The following ARHGEF10L variants were observed in gnomAD, a reference collection of about 807,000 sequenced individuals.
ARHGEF10L encodes Rho guanine nucleotide exchange factor 10 like, also known as rho guanine nucleotide exchange factor 10-like protein.
In ARHGEF10L, 69 loss-of-function variants were observed where a neutral mutation model predicts 141.2. That is an observed-to-expected ratio of 0.49 (90% CI 0.40 to 0.60). The LOEUF (loss-of-function observed/expected upper bound fraction) is 0.60. ARHGEF10L is among the 20% of genes least tolerant of loss of function. The pLI is 0.00. For synonymous variants in ARHGEF10L, 711 were observed against 718.5 expected (o/e 0.99, Z 0.17); for missense variants, 1,482 against 1,734.3 (o/e 0.85, Z 2.58).
chr1:17,632,896 A>G (rs2060783139), intron 16 of ARHGEF10L, among the ~76,000 whole-genome samples: 1 of 152,186 alleles, frequency 6.6e-6, no homozygotes, highest in African/African-American at 2.4e-5. Context: ...GAGCATCATC[A>G]TCGGCCCAGA....
intron 26 of ARHGEF10L, among the ~76,000 whole-genome samples, chr1:17,681,785 T>A (rs899616564): frequency 6.6e-6 from 1 of 152,190 alleles, no homozygotes; most frequent in Non-Finnish European, 1.5e-5. Flanking sequence ...CTTTGGGTGA[T>A]TCTTGGAGAC....
chr1:17,651,361 C>G (rs1048711754), intron 22 of ARHGEF10L, among the ~76,000 whole-genome samples: 1 of 152,186 alleles, frequency 6.6e-6, no homozygotes, highest in Admixed American at 6.5e-5. Context: ...GGGCCTTGGG[C>G]TGGAGGCAGC....
intron 9 of ARHGEF10L, chr1:17,618,424 G>C: frequency 1.3e-6 from 2 of 1,530,748 alleles, no homozygotes; most frequent in South Asian, 1.2e-5. Context: ...AGTGATGCCC[G>C]GGGCGTGATG....
intron 1 of ARHGEF10L, among the ~76,000 whole-genome samples, chr1:17,564,568 T>C (rs575979136): frequency 1.2e-4 from 19 of 152,272 alleles, no homozygotes; most frequent in Admixed American, 1.2e-3. Context: ...CTGTAAATAC[T>C]GTAGGGGCTC....
At position 17,623,154 on chromosome 1, in the gene ARHGEF10L, C is replaced by A. The variant is rs752427264; in HGVS notation, c.1179C>A (p.Ile393=). ...CTGAGTGGGATTCCACCGAGAAGAT[C>A]GGGGACCTCTTCGTGGCCTCGGTAA... ...RVAEWDSTEK[I]GDLFVASFSK... The change falls in exon 12 of 29, where the codon ATC becomes ATA. Residue 393 remains isoleucine, a synonymous_variant. Coordinates refer to ENST00000361221, the MANE Select transcript of ARHGEF10L (RefSeq NM_018125.4). The surrounding 1 kb of genome is among the most constrained non-coding windows in gnomAD (Gnocchi z 4.7). 1.1e-5 allele frequency: 18 copies of A among 1,612,896 alleles called. No individual in the cohort carries two copies. The East Asian group carries it at 4.0e-4, about 36-fold the overall frequency.
Position 17,582,560 on chromosome 1 carries a change from C to T in ARHGEF10L, c.37+1928C>T, listed in dbSNP as rs79883021. The stretch of plus-strand genomic sequence containing the variant: ...TTCCTGCGCGTGTCTTCAGCACCCC[C>T]GGGGCACTTGGTGTTTGTTCTCTGT... On this transcript the variant is annotated intron_variant, in intron 2 of 28. Coordinates refer to ENST00000361221, the MANE Select transcript of ARHGEF10L (RefSeq NM_018125.4). Among the ~76,000 whole-genome samples, 515 of 152,326 alleles carry T rather than the reference C, an allele frequency of 3.4e-3. 6 individuals carry two copies. Among genetic ancestry groups the T allele is most frequent in the African/African-American group, 0.012 (485 of 41,568 alleles).
At chr1:17,624,781 G>A (rs1197752665) in intron 13 of ARHGEF10L, among the ~76,000 whole-genome samples, 1 of 152,212 alleles carries the variant, frequency 6.6e-6, no homozygotes, top group African/African-American at 2.4e-5. Context: ...TGCCTCCTGT[G>A]CCCTGGTGAG....
rs551283774 is a variant in ARHGEF10L, at chr1:17,587,288, C to A, written c.38-172C>A. Among the ~76,000 whole-genome samples the A allele has an allele frequency of 4.6e-5, 7 of 152,204 alleles. No homozygotes were observed. In the East Asian group the frequency reaches 7.7e-4, roughly 17 times the overall value. On this transcript the variant is annotated intron_variant, in intron 2 of 28. Transcript: ENST00000361221. ...TAGAGACCTAACCCAACCCCCTCCC[C>A]CCGGCCTTACCAGCACTGTAGGGCC...
intron 7 of ARHGEF10L, among the ~76,000 whole-genome samples, chr1:17,609,225 A>T (rs2059416655): frequency 6.6e-6 from 1 of 152,310 alleles, no homozygotes; most frequent in South Asian, 2.1e-4. Context: ...TGGGAGAGGC[A>T]TGCTGGCCGG....
intron 19 of ARHGEF10L, 68 bp from the exon 20 acceptor site, chr1:17,638,494 A>G (rs1053194042): frequency 6.3e-7 from 1 of 1,598,760 alleles, no homozygotes; most frequent in Non-Finnish European, 8.5e-7. Flanking sequence ...TGATTCCTAT[A>G]GGATCTGGTG....
intron 1 of ARHGEF10L, among the ~76,000 whole-genome samples, chr1:17,571,263 A>C (rs1429404466): frequency 2.6e-5 from 4 of 152,150 alleles, no homozygotes; most frequent in Non-Finnish European, 5.9e-5. Context: ...CAGGTCAGGC[A>C]GAATGGGGAC....
intron 1 of ARHGEF10L, among the ~76,000 whole-genome samples, chr1:17,547,910 G>A (rs1172944134): frequency 6.6e-6 from 1 of 152,192 alleles, no homozygotes; most frequent in African/African-American, 2.4e-5. Context: ...AGGCTGTGTT[G>A]GGTTCTGGGA....
At chr1:17,635,810 A>T (rs2060964530) in intron 18 of ARHGEF10L, among the ~76,000 whole-genome samples, 1 of 152,132 alleles carries the variant, frequency 6.6e-6, no homozygotes, top group Non-Finnish European at 1.5e-5. Flanking sequence ...TGCATGCAGG[A>T]TGCTAAATTG....
At chr1:17,524,419 AC>A in the ARHGEF10L span, among the ~76,000 whole-genome samples, 5 of 140,294 alleles carry the variant, frequency 3.6e-5, no homozygotes, top group Admixed American at 7.1e-5. Context: ...ACACACACAC[AC>A]AAAATTAGCC....
chr1:17,516,704 G>A, the ARHGEF10L span, among the ~76,000 whole-genome samples: 1 of 152,162 alleles, frequency 6.6e-6, no homozygotes, highest in African/African-American at 2.4e-5. Flanking sequence ...AAGGCTAGGG[G>A]GTGGGAGGGG....
At chr1:17,691,464 C>A (rs566993537) in intron 27 of ARHGEF10L, among the ~76,000 whole-genome samples, 1 of 151,958 alleles carries the variant, frequency 6.6e-6, no homozygotes, top group Non-Finnish European at 1.5e-5. Context: ...GGTCTCCTGC[C>A]GGTCTCCATG....
At chr1:17,553,442 C>G (rs911154489) in intron 1 of ARHGEF10L, among the ~76,000 whole-genome samples, 3 of 152,060 alleles carry the variant, frequency 2.0e-5, no homozygotes, top group African/African-American at 4.8e-5. Flanking sequence ...CTGTGGGACT[C>G]GAGGAGACTG....
intron 4 of ARHGEF10L, among the ~76,000 whole-genome samples, chr1:17,592,170 G>A (rs1376465544): frequency 6.6e-6 from 1 of 152,174 alleles, no homozygotes; most frequent in African/African-American, 2.4e-5. Context: ...CAGATCGCTG[G>A]CTTCCTGTGT....
At chr1:17,563,951 G>A (rs1212327307) in intron 1 of ARHGEF10L, among the ~76,000 whole-genome samples, 1 of 152,210 alleles carries the variant, frequency 6.6e-6, no homozygotes, top group Non-Finnish European at 1.5e-5. Flanking sequence ...TGCTGCAAGT[G>A]ACAGCAGATG....
Sources: gnomAD v4.1 joint callset for allele counts (sites outside exome capture counted in the v4.1 genomes callset) on GRCh38, gnomAD v4.1.1 for gene constraint, Gnocchi (gnomAD v3.1) non-coding constraint, MANE v1.5 for transcripts, NCBI Gene and HGNC (gene_info 2026-07-23, HGNC 2026-07-21) for gene names.